The following CCDC85C variants were observed in gnomAD, a reference collection of about 807,000 sequenced individuals.
CCDC85C encodes the protein coiled-coil domain containing 85C.
In CCDC85C, 18 loss-of-function variants were observed where a neutral mutation model predicts 38.3. The observed-to-expected ratio is 0.47, with a 90% CI of 0.33 to 0.70. The LOEUF is 0.70. Ranked by LOEUF, CCDC85C falls within the 30% of genes least tolerant of loss-of-function variation. The probability of loss-of-function intolerance (pLI) is 0.03; values close to 1 mark genes in which losing one functional copy is unlikely to be tolerated. For synonymous variants in CCDC85C, 264 were observed against 293.8 expected (o/e 0.90, Z 1.04); for missense variants, 566 against 621.2 (o/e 0.91, Z 0.94).
rs989503310 is a variant in CCDC85C, at chr14:99,500,517, T to C, written c.*14729A>G. On this transcript the variant is annotated 3_prime_UTR_variant, in exon 6 of 6. Coordinates refer to ENST00000380243, the MANE Select transcript of CCDC85C (RefSeq NM_001144995.2). ...TATGTATTGAAAATAATAATATTTTTAAGGATCTTTTGTTTTCAGTATTTT... is the reference window on the plus strand; with the variant it reads ...TATGTATTGAAAATAATAATATTTTCAAGGATCTTTTGTTTTCAGTATTTT... 7 of 414,016 alleles carry C rather than the reference T, an allele frequency of 1.7e-5. No individual in the cohort carries two copies. Among genetic ancestry groups the C allele is most frequent in the Non-Finnish European group, 3.0e-5 (7 of 234,166 alleles). The allele number at this position is 414,016 out of a possible 1,614,324, so 25.6% of individuals were successfully genotyped here.
Position 99,535,427 on chromosome 14 carries a change from C to T in CCDC85C, c.867+588G>A, listed in dbSNP as rs1184692612. ...CCTGCCCCACCTGCAGCAGGGAAAGCCCTTGTCCTGGCAGTCACACGTCCC... is the reference window on the plus strand; with the variant it reads ...CCTGCCCCACCTGCAGCAGGGAAAGTCCTTGTCCTGGCAGTCACACGTCCC... On this transcript the variant is annotated intron_variant, in intron 2 of 5. Transcript: ENST00000380243. The surrounding 1 kb of genome is among the most constrained non-coding windows in gnomAD (Gnocchi z 5.5). Among the ~76,000 whole-genome samples the T allele has an allele frequency of 6.6e-6, 1 of 152,136 alleles. No homozygotes were observed. The highest frequency in any genetic ancestry group is 2.4e-5 in the African/African-American group (1 of 41,422).
At position 99,502,841 on chromosome 14, in the gene CCDC85C, C is replaced by T; in HGVS notation, c.*12405G>A. ...TACACCACAAGTGCCGCAAGTACAG[C>T]AGTCACAGCCGTCTCAAAGCTCCGA... On this transcript the variant is annotated 3_prime_UTR_variant, in exon 6 of 6. Coordinates refer to ENST00000380243, the MANE Select transcript of CCDC85C (RefSeq NM_001144995.2). The T allele has an allele frequency of 6.2e-7, 1 of 1,613,486 alleles. No homozygotes were observed. The highest frequency in any genetic ancestry group is 1.1e-5 in the South Asian group (1 of 91,020).
intron 1 of CCDC85C, among the ~76,000 whole-genome samples, chr14:99,592,244 C>T (rs1595107010): frequency 6.6e-6 from 1 of 152,182 alleles, no homozygotes; most frequent in East Asian, 1.9e-4. Flanking sequence ...CTACATATGG[C>T]TAGTGGACAC....
At position 99,603,979 on chromosome 14, in the gene CCDC85C, C is replaced by T; in HGVS notation, c.-20G>A. On this transcript the variant is annotated 5_prime_UTR_variant, in exon 1 of 6. The change abolishes an upstream ATG in the 5' untranslated region. Transcript: ENST00000380243. The surrounding 1 kb of genome is among the most constrained non-coding windows in gnomAD (Gnocchi z 7.5). ...AGCCATGGCGGGGCCGTCACCGCGG[C>T]ATCGCCCTCGCCCTCGCCCGGCCGG... 7.6e-7 allele frequency: 1 copy of T among 1,307,698 alleles called. No individual in the cohort carries two copies. The highest frequency in any genetic ancestry group is 1.6e-5 in the African/African-American group (1 of 64,220). 81.0% of individuals were successfully genotyped at this position (1,307,698 alleles called of 1,614,324 possible). A position where few individuals can be genotyped will look rare whatever the true frequency, so the allele number is the denominator to read the frequency against.
intron 1 of CCDC85C, among the ~76,000 whole-genome samples, chr14:99,587,095 G>A (rs2055035436): frequency 6.6e-6 from 1 of 152,216 alleles, no homozygotes; most frequent in African/African-American, 2.4e-5. Flanking sequence ...GACAGCCTCT[G>A]CAAGGAGACC....
Position 99,512,508 on chromosome 14 carries a change from TA to T in CCDC85C, c.*2737del, listed in dbSNP as rs1484334892. ...AAATGAAAGGTCACTTTTTTCTCTT[TA>T]AACACTGATGTGTAGCTAGTAACTT... On this transcript the variant is annotated 3_prime_UTR_variant, in exon 6 of 6. Transcript: ENST00000380243. 6.6e-6 allele frequency: 1 copy of T among 152,190 alleles called. No individual in the cohort carries two copies. Among genetic ancestry groups the T allele is most frequent in the Admixed American group, 6.5e-5 (1 of 15,284 alleles). The allele number at this position is 152,190 out of a possible 1,614,324, so 9.4% of individuals were successfully genotyped here.
chr14:99,604,031 G>A lies in CCDC85C; in HGVS notation c.-72C>T. On this transcript the variant is annotated 5_prime_UTR_variant, in exon 1 of 6. Transcript: ENST00000380243. ...GCTTCCCCGCGCCGGGGCTCCGCTG[G>A]GCCGGTCCGCGCGCGGGCGGGGGGC... 5 of 1,019,856 alleles carry A rather than the reference G, an allele frequency of 4.9e-6. No individual in the cohort carries two copies. Among genetic ancestry groups the A allele is most frequent in the Non-Finnish European group, 5.9e-6 (5 of 854,124 alleles). The allele number at this position is 1,019,856 out of a possible 1,614,324, so 63.2% of individuals were successfully genotyped here. A position where few individuals can be genotyped will look rare whatever the true frequency, so the allele number is the denominator to read the frequency against.
intron 1 of CCDC85C, among the ~76,000 whole-genome samples, chr14:99,559,800 G>A (rs1898082449): frequency 6.6e-6 from 1 of 152,068 alleles, no homozygotes; most frequent in African/African-American, 2.4e-5. Context: ...ATGCAGCGTG[G>A]ACTGAAAAAG....
chr14:99,563,773 G>A (rs1898163271), intron 1 of CCDC85C, among the ~76,000 whole-genome samples: 1 of 152,216 alleles, frequency 6.6e-6, no homozygotes, highest in Non-Finnish European at 1.5e-5. Context: ...TGGGCAAGGG[G>A]ACATGCAAAA....
Position 99,503,099 on chromosome 14 carries a change from G to C in CCDC85C, c.*12147C>G. 1 of 1,170,526 alleles carries C rather than the reference G, an allele frequency of 8.5e-7. No homozygotes were observed. Among genetic ancestry groups the C allele is most frequent in the Non-Finnish European group, 1.3e-6 (1 of 782,912 alleles). The allele number at this position is 1,170,526 out of a possible 1,614,324, so 72.5% of individuals were successfully genotyped here. ...GGAACACCGGAAGCAGGGGGTGTTC[G>C]CCGAAACTCGCAGTCCGACTGCTTG... On this transcript the variant is annotated 3_prime_UTR_variant, in exon 6 of 6. Coordinates refer to ENST00000380243, the MANE Select transcript of CCDC85C (RefSeq NM_001144995.2).
rs2055048814 is a variant in CCDC85C, at chr14:99,588,311, G to A, written c.793+14856C>T. 6.6e-6 allele frequency among the ~76,000 whole-genome samples: 1 copy of A among 151,836 alleles called. No individual in the cohort carries two copies. ...AACATTGGTGAGGACACCCATCCAGGGTGGCTTCAGCCAGGCCGGCCAGTC... is the reference window on the plus strand; with the variant it reads ...AACATTGGTGAGGACACCCATCCAGAGTGGCTTCAGCCAGGCCGGCCAGTC... On this transcript the variant is annotated intron_variant, in intron 1 of 5. Transcript: ENST00000380243. This position sits in a 1 kb window ranked among gnomAD's most constrained non-coding sequence, Gnocchi z 5.0.
intron 1 of CCDC85C, among the ~76,000 whole-genome samples, chr14:99,567,301 C>T (rs1381398534): frequency 1.3e-5 from 2 of 152,214 alleles, no homozygotes; most frequent in Non-Finnish European, 2.9e-5. Flanking sequence ...AACAGACCCA[C>T]AGGAACACAG....
intron 1 of CCDC85C, among the ~76,000 whole-genome samples, chr14:99,585,253 T>C (rs2055014166): frequency 1.3e-5 from 2 of 152,354 alleles, no homozygotes; most frequent in South Asian, 2.1e-4. Context: ...GGTAGTTAGT[T>C]CTTTTTCTAA....
chr14:99,533,024 C>T lies in CCDC85C; in HGVS notation c.867+2991G>A, dbSNP rs564024731. Among the ~76,000 whole-genome samples the T allele has an allele frequency of 7.2e-5, 11 of 152,204 alleles. No homozygotes were observed. The highest frequency in any genetic ancestry group is 4.2e-4 in the South Asian group (2 of 4,816). On this transcript the variant is annotated intron_variant, in intron 2 of 5. Coordinates refer to ENST00000380243, the MANE Select transcript of CCDC85C (RefSeq NM_001144995.2). The surrounding 1 kb of genome is among the most constrained non-coding windows in gnomAD (Gnocchi z 4.2). The stretch of plus-strand genomic sequence containing the variant: ...CTCAAATTCCTGACCTCAAGTGATC[C>T]GCCCACCTCAGCCTCCCAAAGTGCT...
chr14:99,596,610 G>A (rs2055145838), intron 1 of CCDC85C, among the ~76,000 whole-genome samples: 2 of 152,258 alleles, frequency 1.3e-5, no homozygotes, highest in Non-Finnish European at 2.9e-5. Context: ...TGTGAGGACA[G>A]GGGATGTATG....
At chr14:99,519,863 CAGAA>C (rs530944351) in intron 3 of CCDC85C, among the ~76,000 whole-genome samples, 7 of 152,232 alleles carry the variant, frequency 4.6e-5, no homozygotes, top group Non-Finnish European at 8.8e-5. Context: ...TCCGTGGAAA[CAGAA>C]AGCACCAACC....
Position 99,501,264 on chromosome 14 carries a change from T to A in CCDC85C, c.*13982A>T. ...AGCTCTTTGCTGTGTATTTGAGTGG[T>A]GCTGAACACGTGGTAGGTTTTTAAT... On this transcript the variant is annotated 3_prime_UTR_variant, in exon 6 of 6. Transcript: ENST00000380243. 1 of 818,790 alleles carries A rather than the reference T, an allele frequency of 1.2e-6. No homozygotes were observed. Among genetic ancestry groups the A allele is most frequent in the South Asian group, 1.4e-5 (1 of 71,646 alleles). 50.7% of individuals were successfully genotyped at this position (818,790 alleles called of 1,614,324 possible). A position where few individuals can be genotyped will look rare whatever the true frequency, so the allele number is the denominator to read the frequency against.
At chr14:99,563,829 C>G (rs1045692639) in intron 1 of CCDC85C, among the ~76,000 whole-genome samples, 1 of 152,216 alleles carries the variant, frequency 6.6e-6, no homozygotes, top group Admixed American at 6.5e-5. Context: ...TTCCTGGGCA[C>G]GAGCCAGATG....
chr14:99,603,570 G>C lies in CCDC85C; in HGVS notation c.390C>G (p.Leu130=). 37 of 1,398,896 alleles carry C rather than the reference G, an allele frequency of 2.6e-5. No homozygotes were observed. The highest frequency in any genetic ancestry group is 3.4e-5 in the Non-Finnish European group (37 of 1,082,058). The allele number at this position is 1,398,896 out of a possible 1,614,324, so 86.7% of individuals were successfully genotyped here. A position where few individuals can be genotyped will look rare whatever the true frequency, so the allele number is the denominator to read the frequency against. The change falls in exon 1 of 6, where the codon CTC becomes CTG. Residue 130 remains leucine (L), a synonymous_variant. Transcript: ENST00000380243. This position sits in a 1 kb window ranked among gnomAD's most constrained non-coding sequence, Gnocchi z 7.5. ...VARSQQKLRE[L]EARQEALLRE... ...GCAGCAGGGCCTCCTGGCGCGCCTC[G>C]AGCTCGCGCAGCTTCTGCTGCGAGC...
Sources: allele counts gnomAD v4.1 joint callset (sites outside exome capture counted in the v4.1 genomes callset), GRCh38; gene constraint gnomAD v4.1.1; non-coding constraint Gnocchi (gnomAD v3.1); transcripts MANE v1.5; gene names NCBI Gene and HGNC (gene_info 2026-07-23, HGNC 2026-07-21).